The following UGGT1 variants were observed in gnomAD, a reference collection of about 807,000 sequenced individuals.
UGGT1 encodes UDP-glucose:glycoprotein glucosyltransferase 1.
UGGT1 carries 107 observed loss-of-function variants against 203.9 expected under a neutral mutation model. The observed-to-expected ratio is 0.52, with a 90% CI of 0.45 to 0.62. The LOEUF (loss-of-function observed/expected upper bound fraction) is 0.62. Among genes scored for constraint, UGGT1 ranks in the 20% least tolerant of loss-of-function variants. UGGT1 has a pLI of 0.00. For synonymous variants in UGGT1, 628 were observed against 653.5 expected, an observed-to-expected ratio of 0.96 and a Z score of 0.59; for missense variants, 1,673 against 1,867.2, an observed-to-expected ratio of 0.90 and a Z score of 1.92.
chr2:128,108,192 A>G (rs1687689233), intron 4 of UGGT1, 124 bp downstream of exon 4: 1 of 1,242,220 alleles, frequency 8.1e-7, no homozygotes, highest in Non-Finnish European at 1.1e-6. Context: ...ATTTTCTAGG[A>G]TTTATGATTT....
chr2:128,100,034 T>C (rs71396509), intron 2 of UGGT1, among the ~76,000 whole-genome samples: 741 of 16,454 alleles, frequency 0.045, 42 homozygotes, highest in South Asian at 0.08. Context: ...CCCCCCACCC[T>C]ACTTATTTTT....
chr2:128,095,156 T>A (rs573152631), intron 1 of UGGT1, among the ~76,000 whole-genome samples: 17 of 152,188 alleles, frequency 1.1e-4, no homozygotes, highest in Non-Finnish European at 2.4e-4. Context: ...TATATCCTCT[T>A]CACTCAACCA....
chr2:128,139,648 C>G (rs1295953819), intron 16 of UGGT1: 14 of 153,028 alleles, frequency 9.1e-5, no homozygotes. Flanking sequence ...TGGCCTAGGG[C>G]TGAAGGGGCG....
chr2:128,134,593 A>G (rs575603513), intron 14 of UGGT1, among the ~76,000 whole-genome samples: 1 of 152,322 alleles, frequency 6.6e-6, no homozygotes, highest in African/African-American at 2.4e-5. Flanking sequence ...AGAGTTGCTA[A>G]ACTTGGTTTT....
intron 8 of UGGT1, among the ~76,000 whole-genome samples, chr2:128,118,008 GAGAGA>G: frequency 1.3e-5 from 2 of 151,666 alleles, no homozygotes; most frequent in African/African-American, 2.4e-5. Context: ...GAGAGAGAGA[GAGAGA>G]GAGGGAAAGA....
intron 2 of UGGT1, among the ~76,000 whole-genome samples, chr2:128,101,760 G>A (rs1687384639): frequency 6.6e-6 from 1 of 152,166 alleles, no homozygotes; most frequent in Non-Finnish European, 1.5e-5. Flanking sequence ...GCCAAGCTTA[G>A]TGACTGTAAC....
Position 128,129,171 on chromosome 2 carries a change from G to A in UGGT1, c.1369G>A (p.Ala457Thr), listed in dbSNP as rs778292163. The A allele has an allele frequency of 3.4e-5, 54 of 1,607,774 alleles. No individual in the cohort carries two copies. Among genetic ancestry groups the A allele is most frequent in the Non-Finnish European group, 4.5e-5 (53 of 1,178,548 alleles). ...CTATGCCGTAGACATCCGGAGTCCT[G>A]CTATTTCAGTGAGTATTTTGTTAGG... ...ADYAVDIRSP[A>T]ISWVNNLEVD... Residue 457 changes from alanine (A) to threonine (T), a missense_variant, in exon 13 of 41, where the codon GCT (alanine) becomes ACT (threonine). Coordinates refer to ENST00000259253, the MANE Select transcript of UGGT1 (RefSeq NM_020120.4).
chr2:128,174,856 C>T lies in UGGT1; in HGVS notation c.3537C>T (p.Tyr1179=). The part of the protein sequence containing the change: ...KGRSEDIYRI[Y]SHDGTDSPPD... ...GCTCTGAAGATATTTATAGAATTTA[C>T]AGGTAGGAGTAAGTGATGCAGTTAC... is the stretch of plus-strand genomic sequence containing the variant. Residue 1179 remains tyrosine, a splice_region_variant and synonymous_variant, in exon 31 of 41, where the codon TAC becomes TAT. Transcript: ENST00000259253. 2 of 1,611,704 alleles carry T rather than the reference C, an allele frequency of 1.2e-6. No homozygotes were observed. Among genetic ancestry groups the T allele is most frequent in the Non-Finnish European group, 1.7e-6 (2 of 1,178,844 alleles).
At chr2:128,161,413 A>G (rs866383233) in intron 25 of UGGT1, 145 bp downstream of exon 25, 1 of 950,358 alleles carries the variant, frequency 1.1e-6, no homozygotes, top group Non-Finnish European at 1.5e-6. Flanking sequence ...CTTCAATTCC[A>G]GTTTTAATGT....
chr2:128,171,205 G>C lies in UGGT1; in HGVS notation c.3025G>C (p.Val1009Leu). The C allele has an allele frequency of 1.2e-6, 2 of 1,607,846 alleles. No homozygotes were observed. The highest frequency in any genetic ancestry group is 1.7e-6 in the Non-Finnish European group (2 of 1,178,336). ...EAQRLAPLLL[V>L]LAQLINMNLR... ...TTTTGTCATCTGGTTTTCCTTCTAG[G>C]TTTTGGCTCAGCTGATAAACATGAA... Residue 1009 changes from valine (V) to leucine (L), a missense_variant and splice_region_variant, in exon 28 of 41, where the codon GTT (valine) becomes CTT (leucine). By Grantham distance (32) the Val-to-Leu change is conservative. Around this residue, in one of 4 missense-constraint regions of UGGT1, gnomAD observed 513 missense variants for 684.1 expected, o/e 0.75. Coordinates refer to ENST00000259253, the MANE Select transcript of UGGT1 (RefSeq NM_020120.4).
chr2:128,159,822 TA>T (rs1553442913), intron 23 of UGGT1, 102 bp downstream of exon 23: 6 of 1,235,580 alleles, frequency 4.9e-6, no homozygotes, highest in Non-Finnish European at 5.6e-6. Context: ...TTTGTCATTT[TA>T]GTCCTGAGTC....
chr2:128,159,386 A>T, intron 22 of UGGT1, 128 bp from the exon 23 acceptor site: 1 of 867,456 alleles, frequency 1.2e-6, no homozygotes, highest in Non-Finnish European at 1.8e-6. Flanking sequence ...GGCATGAGCC[A>T]CTGCGCCCGG....
intron 16 of UGGT1, among the ~76,000 whole-genome samples, chr2:128,141,742 C>T (rs959134792): frequency 6.6e-5 from 10 of 150,482 alleles, no homozygotes; most frequent in Non-Finnish European, 1.3e-4. Flanking sequence ...ACCCAGGAGG[C>T]GGAGGTAGCA....
At chr2:128,106,080 C>T (rs1034146010) in intron 3 of UGGT1, among the ~76,000 whole-genome samples, 7 of 150,736 alleles carry the variant, frequency 4.6e-5, no homozygotes, top group East Asian at 1.9e-4. Context: ...GATGGGATTA[C>T]AGGCGTGGGC....
chr2:128,179,659 G>GGCCT (rs1244587525), intron 34 of UGGT1, 127 bp from the exon 35 acceptor site: 1 of 692,514 alleles, frequency 1.4e-6, no homozygotes, highest in African/African-American at 1.9e-5. Context: ...CGTCTCCCTC[G>GGCCT]GCCTAATTGA....
At chr2:128,109,571 A>T in intron 4 of UGGT1, 63 bp from the exon 5 acceptor site, 1 of 1,295,940 alleles carries the variant, frequency 7.7e-7, no homozygotes, top group South Asian at 1.2e-5. Flanking sequence ...TTTTGATTAT[A>T]CATGTCTTTA....
intron 25 of UGGT1, among the ~76,000 whole-genome samples, chr2:128,162,511 G>T (rs928511952): frequency 2.6e-5 from 4 of 152,056 alleles, no homozygotes; most frequent in African/African-American, 9.7e-5. Flanking sequence ...ATGTTTTAGA[G>T]AAGTGTTGAC....
intron 18 of UGGT1, among the ~76,000 whole-genome samples, 188 bp downstream of exon 18, chr2:128,146,155 T>TA (rs1322011281): frequency 1.3e-5 from 2 of 151,750 alleles, no homozygotes; most frequent in Non-Finnish European, 2.9e-5. Context: ...AAAAAGAAAT[T>TA]AAAAAATTAG....
rs144321528 is a variant in UGGT1, at chr2:128,187,628, G to A, written c.4642+14G>A. ...CAAGCCGAGAAGGTAAGCACAAACC[G>A]TTGGTTTTAGGACAGTACTTCTTTC... On this transcript the variant is annotated intron_variant, in intron 40 of 40. Transcript: ENST00000259253. The A allele has an allele frequency of 1.4e-5, 23 of 1,604,774 alleles. No homozygotes were observed. In the East Asian group the frequency reaches 2.9e-4, roughly 20 times the overall value.
Sources: allele counts gnomAD v4.1 joint callset (sites outside exome capture counted in the v4.1 genomes callset), GRCh38; gene constraint gnomAD v4.1.1; regional missense constraint gnomAD v4.1.1; transcripts MANE v1.5; gene names NCBI Gene and HGNC (gene_info 2026-07-23, HGNC 2026-07-21).